Variants in EPB41L2 observed in about 807,000 individuals in gnomAD.
EPB41L2 encodes band 4.1-like protein 2.
In EPB41L2, 43 loss-of-function variants were observed where a neutral mutation model predicts 113.0. The observed-to-expected ratio is 0.38, with a 90% CI of 0.30 to 0.49. The LOEUF (loss-of-function observed/expected upper bound fraction) is 0.49. Ranked by LOEUF, EPB41L2 falls within the 20% of genes least tolerant of loss-of-function variation. EPB41L2 has a pLI of 0.95. For missense variants in EPB41L2, 1,147 were observed against 1,223.4 expected, an observed-to-expected ratio of 0.94 and a Z score of 0.93; for synonymous variants, 442 against 436.7, an observed-to-expected ratio of 1.01 and a Z score of -0.15.
chr6:130,909,400 G>C (rs1185523547), intron 4 of EPB41L2, among the ~76,000 whole-genome samples: 3 of 152,122 alleles, frequency 2.0e-5, no homozygotes, highest in Admixed American at 6.5e-5. Flanking sequence ...GGTCAGGTTG[G>C]AGACAATATT....
chr6:130,937,821 G>GAAA (rs66505919), intron 3 of EPB41L2, among the ~76,000 whole-genome samples: 6 of 129,854 alleles, frequency 4.6e-5, no homozygotes, highest in African/African-American at 2.0e-4. Flanking sequence ...ATCTCAAAAA[G>GAAA]AAAAAAAAAA....
At chr6:130,962,061 C>T (rs1256987751) in intron 1 of EPB41L2, among the ~76,000 whole-genome samples, 3 of 152,046 alleles carry the variant, frequency 2.0e-5, no homozygotes, top group African/African-American at 4.8e-5. Context: ...CCCACAATCA[C>T]GTGCTTGTAT....
At chr6:130,865,512 A>G (rs977437253) in intron 17 of EPB41L2, 24 bp downstream of exon 17, 3 of 1,606,098 alleles carry the variant, frequency 1.9e-6, no homozygotes, top group Admixed American at 1.7e-5. Flanking sequence ...CATCCTCTCC[A>G]TATGATCCCC....
intron 1 of EPB41L2, among the ~76,000 whole-genome samples, chr6:130,993,951 C>T (rs1584356511): frequency 6.6e-6 from 1 of 152,302 alleles, no homozygotes; most frequent in East Asian, 1.9e-4. Flanking sequence ...AGTATATGAC[C>T]TAACCTAACA....
At chr6:130,870,821 TAA>T (rs554695255) in intron 14 of EPB41L2, among the ~76,000 whole-genome samples, 5 of 140,890 alleles carry the variant, frequency 3.5e-5, no homozygotes, top group Non-Finnish European at 3.1e-5. Flanking sequence ...TGGTTTTCTT[TAA>T]AAAAAAAAAA....
At chr6:130,941,345 G>A (rs1189718581) in intron 3 of EPB41L2, among the ~76,000 whole-genome samples, 2 of 152,100 alleles carry the variant, frequency 1.3e-5, no homozygotes, top group African/African-American at 2.4e-5. Context: ...TTTAAAAGAC[G>A]GAGAATTGAC....
At chr6:131,038,744 T>C (rs763130695) in intron 1 of EPB41L2, among the ~76,000 whole-genome samples, 1 of 152,204 alleles carries the variant, frequency 6.6e-6, no homozygotes, top group Non-Finnish European at 1.5e-5. Flanking sequence ...TAATATGGTA[T>C]GCAGCTGTAT....
intron 19 of EPB41L2, among the ~76,000 whole-genome samples, chr6:130,842,557 A>G (rs1775850805): frequency 6.6e-6 from 1 of 152,124 alleles, no homozygotes; most frequent in Non-Finnish European, 1.5e-5. Flanking sequence ...CAAACCCCTG[A>G]TGCTATCAGG....
At chr6:130,968,304 C>T (rs1157112425) in intron 1 of EPB41L2, among the ~76,000 whole-genome samples, 2 of 152,164 alleles carry the variant, frequency 1.3e-5, no homozygotes, top group Non-Finnish European at 2.9e-5. Flanking sequence ...CTCCCCCACA[C>T]TATGACAAGT....
chr6:130,977,602 C>T (rs762477544), intron 1 of EPB41L2, among the ~76,000 whole-genome samples: 1 of 152,168 alleles, frequency 6.6e-6, no homozygotes, highest in Non-Finnish European at 1.5e-5. Flanking sequence ...GCTCCAACTT[C>T]TGTACTCATG....
intron 19 of EPB41L2, among the ~76,000 whole-genome samples, chr6:130,844,770 C>T (rs917692032): frequency 1.3e-5 from 2 of 151,876 alleles, no homozygotes; most frequent in African/African-American, 4.8e-5. Flanking sequence ...CAGCTGGGCA[C>T]GGTGGTTCAC....
At chr6:130,936,106 T>C (rs1211751377) in intron 3 of EPB41L2, among the ~76,000 whole-genome samples, 4 of 152,230 alleles carry the variant, frequency 2.6e-5, no homozygotes, top group Non-Finnish European at 5.9e-5. Flanking sequence ...ATTCATAAAA[T>C]ACAGCCCTGC....
intron 8 of EPB41L2, among the ~76,000 whole-genome samples, chr6:130,897,340 A>G (rs1218675328): frequency 6.6e-6 from 1 of 152,248 alleles, no homozygotes; most frequent in East Asian, 1.9e-4. Context: ...TAAGCCACAA[A>G]TATCTTGCTT....
chr6:130,958,488 A>AG (rs1818267841), intron 1 of EPB41L2, among the ~76,000 whole-genome samples: 2 of 150,988 alleles, frequency 1.3e-5, no homozygotes, highest in Non-Finnish European at 1.5e-5. Context: ...AAAAAAAAAA[A>AG]GCAAAGGACT....
intron 3 of EPB41L2, among the ~76,000 whole-genome samples, chr6:130,933,698 G>A (rs1383881579): frequency 6.6e-6 from 1 of 152,212 alleles, no homozygotes; most frequent in East Asian, 1.9e-4. Context: ...GAAATCTACT[G>A]CAGATGCAGC....
At chr6:131,010,075 G>C (rs557043598) in intron 1 of EPB41L2, among the ~76,000 whole-genome samples, 1 of 152,344 alleles carries the variant, frequency 6.6e-6, no homozygotes, top group South Asian at 2.1e-4. Flanking sequence ...TCTCTAGATT[G>C]AATTCAAGTG....
chr6:130,861,826 C>T (rs9321255), intron 18 of EPB41L2, among the ~76,000 whole-genome samples: 30,620 of 147,438 alleles, frequency 0.21, 3,227 homozygotes, highest in South Asian at 0.29. Flanking sequence ...GAGTCCAGAT[C>T]GTGCCACTGC....
rs977552607 is a variant in EPB41L2 at position 130,895,049 on chromosome 6, C to T, written c.1307G>A (p.Arg436Gln). ...TTTCGGCCAAGCAAAACGATTGATT[C>T]GCAGTCTGTCTTTGTAAATGAGAAG... ...NGLLIYKDRLRINRFAWPKIL... is the reference protein window; with the variant it reads ...NGLLIYKDRLQINRFAWPKIL... Residue 436 changes from arginine to glutamine, a missense_variant, in exon 9 of 20, where the codon CGA (arginine) becomes CAA (glutamine). Arg to Gln is a conservative substitution (Grantham distance 43). Transcript: ENST00000337057. 1.9e-6 allele frequency: 3 copies of T among 1,613,946 alleles called. No homozygotes were observed. Among genetic ancestry groups the T allele is most frequent in the Non-Finnish European group, 1.7e-6 (2 of 1,179,920 alleles).
At position 130,955,109 on chromosome 6, in the gene EPB41L2, A is replaced by C; in HGVS notation, c.701T>G (p.Leu234Arg). 1 of 1,613,944 alleles carries C rather than the reference A, an allele frequency of 6.2e-7. No homozygotes were observed. The highest frequency in any genetic ancestry group is 8.5e-7 in the Non-Finnish European group (1 of 1,179,884). The change falls in exon 3 of 20, where the codon CTG becomes CGG. Residue 234 changes from leucine to arginine, a missense_variant. Physicochemically the swap from Leu to Arg is moderately radical, Grantham distance 102. Transcript: ENST00000337057. ...LLDGTEYSCD[L>R]EKHAKGQVLF... ...TCACTCAGCTCCCTATCTCACCTCC[A>C]GGTCACAGCTGTATTCGGTGCCATC...
Sources: gnomAD v4.1 joint callset for allele counts (sites outside exome capture counted in the v4.1 genomes callset) on GRCh38, gnomAD v4.1.1 for gene constraint, MANE v1.5 for transcripts, NCBI Gene and HGNC (gene_info 2026-07-23, HGNC 2026-07-21) for gene names.